Variants in MED14 observed in about 807,000 individuals in gnomAD.
The protein encoded by MED14 is mediator of RNA polymerase II transcription subunit 14.
A neutral mutation model predicts 109.0 loss-of-function variants in MED14; 8 were observed. The observed-to-expected ratio is 0.07, with a 90% CI of 0.04 to 0.13. The LOEUF (loss-of-function observed/expected upper bound fraction) is 0.13, where lower values mean the gene tolerates loss of function less well. Among genes scored for constraint, MED14 ranks in the 10% least tolerant of loss-of-function variants. MED14 has a pLI of 1.00. For missense variants in MED14, 711 were observed against 1,142.4 expected (o/e 0.62, Z 5.44); for synonymous variants, 399 against 408.7 (o/e 0.98, Z 0.29).
In MED14 at chrX:40,681,942, G is replaced by A. The variant is rs1423251831; in HGVS notation, c.2367C>T (p.Asp789=). ...CVLEFARSLP[D]IPAHLNIFSE... is the part of the protein sequence containing the mutation. The stretch of plus-strand genomic sequence containing the variant: ...AGAAAATATTTAGATGAGCAGGTAT[G>A]TCTAAACAGAAGGAAACAAAAAGGA... Residue 789 remains aspartate, a splice_region_variant and synonymous_variant, in exon 19 of 31, where the codon GAC becomes GAT. Transcript: ENST00000324817. 9.9e-7 allele frequency: 1 copy of A among 1,010,481 alleles called. No individual in the cohort carries two copies. The highest frequency in any genetic ancestry group is 1.3e-6 in the Non-Finnish European group (1 of 746,177). The allele number at this position is 1,010,481 out of a possible 1,213,427, so 83.3% of individuals were successfully genotyped here.
At chrX:40,728,789 C>A (rs1032344661) in intron 2 of MED14, among the ~76,000 whole-genome samples, 1 of 110,689 alleles carries the variant, frequency 9.0e-6, no homozygotes, top group African/African-American at 3.3e-5. Context: ...TTAATAGCAT[C>A]ATTGTTGCAA....
rs746365630 is a variant in MED14 at position 40,682,788 on chromosome X, CA to C, written c.2219-40del. 3.0e-5 allele frequency: 36 copies of C among 1,202,901 alleles called. No individual in the cohort carries two copies. The South Asian group carries it at 6.1e-4, about 20-fold the overall frequency. ...AGAGAATATTAATAGTAATCGATAC[CA>C]AAAAAATCCAGAAATATGCAAAGAC... On this transcript the variant is annotated intron_variant, in intron 17 of 30. Transcript: ENST00000324817.
chrX:40,726,546 G>C (rs6610459), intron 3 of MED14, 200 bp downstream of exon 3: 2 of 363,495 alleles, frequency 5.5e-6, no homozygotes, highest in Non-Finnish European at 9.7e-6. Context: ...GATGTCTCCA[G>C]CTATCTCCTC....
chrX:40,692,809 G>A lies in MED14; in HGVS notation c.1744C>T (p.Pro582Ser). 1 of 1,208,574 alleles carries A rather than the reference G, an allele frequency of 8.3e-7. No homozygotes were observed. The highest frequency in any genetic ancestry group is 1.1e-6 in the Non-Finnish European group (1 of 894,156). ...TGCTGCAGCAGCAATGCCATTGCAGGGCTGTCTTCACGATCTGCAGCATTC... is the reference window on the plus strand; with the variant it reads ...TGCTGCAGCAGCAATGCCATTGCAGAGCTGTCTTCACGATCTGCAGCATTC... ...SVNAADREDS[P>S]AMALLLQQFK... Residue 582 changes from proline (P) to serine (S), a missense_variant, in exon 14 of 31, where the codon CCT (proline) becomes TCT (serine). Coordinates refer to ENST00000324817, the MANE Select transcript of MED14 (RefSeq NM_004229.4).
chrX:40,701,309 GTAAAACAAA>G lies in MED14; in HGVS notation c.1412-75_1412-67del, dbSNP rs887202975. The G allele has an allele frequency of 2.2e-5, 15 of 681,459 alleles. No individual in the cohort carries two copies. In the African/African-American group the frequency reaches 2.9e-4, roughly 13 times the overall value. 56.2% of individuals were successfully genotyped at this position (681,459 alleles called of 1,213,427 possible). A position where few individuals can be genotyped will look rare whatever the true frequency, so the allele number is the denominator to read the frequency against. On this transcript the variant is annotated intron_variant, in intron 11 of 30. Transcript: ENST00000324817. Reference sequence around the variant, plus strand: ...GAAACAAAATCTTTATCTAGGTAGTGTAAAACAAATAAAACAAATGAAAATTATTGTTTA... The same window carrying G: ...GAAACAAAATCTTTATCTAGGTAGTGTAAAACAAATGAAAATTATTGTTTA...
At chrX:40,709,819 A>T (rs1051001430) in intron 9 of MED14, among the ~76,000 whole-genome samples, 160 bp downstream of exon 9, 3 of 112,026 alleles carry the variant, frequency 2.7e-5, no homozygotes, top group South Asian at 3.6e-4. Flanking sequence ...CAGATGTTTT[A>T]AAAAAACAAA....
At chrX:40,704,648 C>G (rs1354414737) in intron 10 of MED14, among the ~76,000 whole-genome samples, 1 of 112,321 alleles carries the variant, frequency 8.9e-6, no homozygotes, top group Admixed American at 9.4e-5. Context: ...CAAACCAAAA[C>G]CTTTTACTAT....
At position 40,712,928 on chromosome X, in the gene MED14, T is replaced by A. The variant is rs1187931947; in HGVS notation, c.767A>T (p.Asp256Val). Reference sequence around the variant, plus strand: ...TTATGATTTACCTCCTGTTTCCTTATCCTCAACTAGAATTTCTAGCTTGAG... The same window carrying A: ...TTATGATTTACCTCCTGTTTCCTTAACCTCAACTAGAATTTCTAGCTTGAG... ...RLLKLEILVE[D>V]KETGDGRALV... Residue 256 changes from aspartate (D) to valine (V), a missense_variant, in exon 6 of 31, where the codon GAT (aspartate) becomes GTT (valine). Physicochemically the swap from Asp to Val is radical, Grantham distance 152. Coordinates refer to ENST00000324817, the MANE Select transcript of MED14 (RefSeq NM_004229.4). 1 of 1,179,316 alleles carries A rather than the reference T, an allele frequency of 8.5e-7. No homozygotes were observed. The highest frequency in any genetic ancestry group is 1.9e-5 in the South Asian group (1 of 51,563).
At chrX:40,681,380 C>T (rs1004663760) in intron 19 of MED14, among the ~76,000 whole-genome samples, 1 of 110,577 alleles carries the variant, frequency 9.0e-6, no homozygotes, top group Admixed American at 9.6e-5. Flanking sequence ...CATTTTTATA[C>T]TACATTTCTA....
In MED14 at chrX:40,650,357, T is replaced by A; in HGVS notation, c.*1449A>T. The A allele has an allele frequency of 2.7e-6, 2 of 751,423 alleles. No homozygotes were observed. The highest frequency in any genetic ancestry group is 3.1e-6 in the Non-Finnish European group (2 of 636,859). 61.9% of individuals were successfully genotyped at this position (751,423 alleles called of 1,213,427 possible). ...AAGTTGAGAACAGATATGATATAGGTACAGTGAGATACTTGAAACTAGAAT... is the reference window on the plus strand; with the variant it reads ...AAGTTGAGAACAGATATGATATAGGAACAGTGAGATACTTGAAACTAGAAT... On this transcript the variant is annotated 3_prime_UTR_variant, in exon 31 of 31. Transcript: ENST00000324817.
chrX:40,673,001 T>C (rs200613844), intron 22 of MED14, among the ~76,000 whole-genome samples: 2 of 112,472 alleles, frequency 1.8e-5, no homozygotes, highest in East Asian at 5.5e-4. Flanking sequence ...CTGCATTTTA[T>C]ATAAAAGAAG....
At chrX:40,727,156 G>T (rs1224143411) in intron 2 of MED14, among the ~76,000 whole-genome samples, 2 of 111,713 alleles carry the variant, frequency 1.8e-5, no homozygotes, top group Non-Finnish European at 3.8e-5. Context: ...AGTATATGGT[G>T]GTAGAAGTAA....
intron 3 of MED14, chrX:40,726,529 A>ACG (rs1569299213): frequency 3.2e-6 from 1 of 316,540 alleles, no homozygotes; most frequent in Non-Finnish European, 5.6e-6. Context: ...AAGTCTCCTC[A>ACG]CGTAATGATG....
intron 3 of MED14, among the ~76,000 whole-genome samples, chrX:40,722,407 TAC>T (rs1466371693): frequency 9.0e-6 from 1 of 111,100 alleles, no homozygotes. Flanking sequence ...TATTTGAAAA[TAC>T]ACAGTCAGAA....
At chrX:40,707,665 G>A (rs1453694146) in intron 10 of MED14, among the ~76,000 whole-genome samples, 4 of 112,281 alleles carry the variant, frequency 3.6e-5, no homozygotes, top group African/African-American at 1.3e-4. Flanking sequence ...CAGTATGTAA[G>A]AGACCACACA....
intron 19 of MED14, 59 bp from the exon 20 acceptor site, chrX:40,680,969 A>G (rs1930087240): frequency 7.1e-6 from 5 of 704,880 alleles, no homozygotes; most frequent in Non-Finnish European, 1.0e-5. Context: ...CAAGTAGGAG[A>G]AAAAAAAAAT....
chrX:40,651,699 C>CTTAAAGT lies in MED14; in HGVS notation c.*100_*106dup. The CTTAAAGT allele has an allele frequency of 9.3e-7, 1 of 1,077,344 alleles. No individual in the cohort carries two copies. The allele number at this position is 1,077,344 out of a possible 1,213,427, so 88.8% of individuals were successfully genotyped here. Reference sequence around the variant, plus strand: ...TTTTGCCAGTTTAGAATATTTAGCTCTTAAAGTTTAAAAAAAAAGTCCTTT... The same window carrying CTTAAAGT: ...TTTTGCCAGTTTAGAATATTTAGCTCTTAAAGTTTAAAGTTTAAAAAAAAAGTCCTTT... On this transcript the variant is annotated 3_prime_UTR_variant, in exon 31 of 31. Transcript: ENST00000324817.
intron 1 of MED14, among the ~76,000 whole-genome samples, chrX:40,733,596 T>C (rs1932155806): frequency 9.0e-6 from 1 of 111,605 alleles, no homozygotes; most frequent in Admixed American, 9.5e-5. Context: ...CAGCACTTGG[T>C]GGAAGTGTTG....
intron 23 of MED14, among the ~76,000 whole-genome samples, chrX:40,669,215 T>A (rs761008877): frequency 8.9e-6 from 1 of 112,099 alleles, no homozygotes; most frequent in East Asian, 2.8e-4. Context: ...ACTATATGCT[T>A]GTCTACCACT....
Sources: allele counts gnomAD v4.1 joint callset (sites outside exome capture counted in the v4.1 genomes callset), GRCh38; gene constraint gnomAD v4.1.1; transcripts MANE v1.5; gene names NCBI Gene and HGNC (gene_info 2026-07-23, HGNC 2026-07-21).